The following SLC35D4 variants were observed in gnomAD, a reference collection of about 807,000 sequenced individuals.
SLC35D4 encodes UDP-N-acetylglucosamine transporter SLC35D4.
At chr18:23,267,044 G>A in the SLC35D4 span, among the ~76,000 whole-genome samples, 1 of 152,194 alleles carries the variant, frequency 6.6e-6, no homozygotes, top group East Asian at 1.9e-4. Flanking sequence ...CCCACACTCT[G>A]CCCTAAACCG....
At chr18:23,365,280 AC>A in the SLC35D4 span, among the ~76,000 whole-genome samples, 3 of 152,144 alleles carry the variant, frequency 2.0e-5, no homozygotes, top group African/African-American at 7.2e-5. Context: ...GAACTTTTGA[AC>A]TTTTTCACCA....
At chr18:23,248,739 C>T in the SLC35D4 span, among the ~76,000 whole-genome samples, 2 of 152,194 alleles carry the variant, frequency 1.3e-5, no homozygotes, top group South Asian at 2.1e-4. Context: ...GCAGGAGAAT[C>T]GCTTGAACCC....
the SLC35D4 span, among the ~76,000 whole-genome samples, chr18:23,421,072 C>T: frequency 2.6e-5 from 4 of 151,636 alleles, no homozygotes; most frequent in Admixed American, 6.6e-5. Context: ...GGTGAAACCC[C>T]GTCTCTACTA....
At chr18:23,380,730 A>T in the SLC35D4 span, among the ~76,000 whole-genome samples, 1 of 152,176 alleles carries the variant, frequency 6.6e-6, no homozygotes, top group Non-Finnish European at 1.5e-5. Flanking sequence ...ATAATTCTGC[A>T]AGGTAGTTAG....
At chr18:23,413,104 A>G in the SLC35D4 span, among the ~76,000 whole-genome samples, 1 of 152,208 alleles carries the variant, frequency 6.6e-6, no homozygotes, top group East Asian at 1.9e-4. Context: ...TCTGGGCTCA[A>G]GCAATCTTCC....
the SLC35D4 span, among the ~76,000 whole-genome samples, chr18:23,306,789 T>G: frequency 6.6e-6 from 1 of 152,200 alleles, no homozygotes; most frequent in East Asian, 1.9e-4. Context: ...GGAACTAGAA[T>G]AGAAATAAGC....
At chr18:23,417,097 C>G in the SLC35D4 span, among the ~76,000 whole-genome samples, 1 of 152,034 alleles carries the variant, frequency 6.6e-6, no homozygotes, top group Non-Finnish European at 1.5e-5. Flanking sequence ...AAACAATTAG[C>G]TGGGCATGGT....
the SLC35D4 span, among the ~76,000 whole-genome samples, chr18:23,379,869 G>A: frequency 6.6e-6 from 1 of 152,114 alleles, no homozygotes; most frequent in Non-Finnish European, 1.5e-5. Flanking sequence ...GCCGAGGAGG[G>A]CAGATCACTT....
the SLC35D4 span, among the ~76,000 whole-genome samples, chr18:23,248,936 C>CT: frequency 6.6e-6 from 1 of 152,244 alleles, no homozygotes; most frequent in Admixed American, 6.5e-5. Flanking sequence ...ACAAGCCACA[C>CT]TGTAGAACTG....
At chr18:23,407,548 T>C in the SLC35D4 span, among the ~76,000 whole-genome samples, 14 of 150,616 alleles carry the variant, frequency 9.3e-5, no homozygotes, top group East Asian at 2.2e-3. Context: ...AAGCAGGTAA[T>C]TCTGTCTGTC....
At chr18:23,398,116 G>A in the SLC35D4 span, among the ~76,000 whole-genome samples, 2 of 152,118 alleles carry the variant, frequency 1.3e-5, no homozygotes, top group African/African-American at 2.4e-5. Context: ...TGGGACTAGA[G>A]GCAAGTTTAG....
the SLC35D4 span, chr18:23,430,552 G>T: frequency 8.2e-7 from 1 of 1,224,182 alleles, no homozygotes; most frequent in Non-Finnish European, 1.2e-6. Context: ...AATCTATGCA[G>T]TTATTAAAAC....
At chr18:23,290,857 C>G in the SLC35D4 span, among the ~76,000 whole-genome samples, 1 of 151,210 alleles carries the variant, frequency 6.6e-6, no homozygotes, top group African/African-American at 2.4e-5. Flanking sequence ...AGGCTGGTCT[C>G]GAACTCCTGA....
the SLC35D4 span, among the ~76,000 whole-genome samples, chr18:23,386,124 C>CAA: frequency 3.3e-3 from 131 of 40,194 alleles, 1 homozygote; most frequent in Middle Eastern, 0.023. Context: ...GACTCTGTCT[C>CAA]AAAAAAAAAA....
the SLC35D4 span, among the ~76,000 whole-genome samples, chr18:23,255,525 G>A: frequency 3.2e-4 from 49 of 151,524 alleles, no homozygotes; most frequent in African/African-American, 1.1e-3. Context: ...CTGAGAATCA[G>A]TAGGCTTATA....
the SLC35D4 span, among the ~76,000 whole-genome samples, chr18:23,270,011 G>A: frequency 6.6e-6 from 1 of 152,202 alleles, no homozygotes; most frequent in Non-Finnish European, 1.5e-5. Context: ...TAACAAGGAG[G>A]CAAATGTTAA....
chr18:23,238,744 C>T, the SLC35D4 span, among the ~76,000 whole-genome samples: 2 of 152,210 alleles, frequency 1.3e-5, no homozygotes, highest in African/African-American at 2.4e-5. Flanking sequence ...GAAACTGGCT[C>T]AGGGAGTCCA....
At chr18:23,275,671 T>C in the SLC35D4 span, among the ~76,000 whole-genome samples, 1 of 150,492 alleles carries the variant, frequency 6.6e-6, no homozygotes, top group Non-Finnish European at 1.5e-5. Flanking sequence ...GTTTGGGGAC[T>C]TGACGTGGAA....
At chr18:23,344,712 C>T in the SLC35D4 span, among the ~76,000 whole-genome samples, 14 of 151,272 alleles carry the variant, frequency 9.3e-5, no homozygotes, top group African/African-American at 3.4e-4. Context: ...TGCCATTTTC[C>T]TGCCTCAGGC....
Sources: allele counts gnomAD v4.1 joint callset (sites outside exome capture counted in the v4.1 genomes callset), GRCh38; gene constraint gnomAD v4.1.1; transcripts MANE v1.5; gene names NCBI Gene and HGNC (gene_info 2026-07-23, HGNC 2026-07-21).